The following SLC7A7 variants were observed in gnomAD, a reference collection of about 807,000 sequenced individuals.
The protein encoded by SLC7A7 is solute carrier family 7 member 7, also known as Y+L amino acid transporter 1.
A neutral mutation model predicts 47.9 loss-of-function variants in SLC7A7; 39 were observed. The observed-to-expected ratio is 0.81, with a 90% CI of 0.63 to 1.06. The LOEUF is 1.06. Ranked by LOEUF, SLC7A7 falls within the 50% of genes least tolerant of loss-of-function variation. The pLI is 0.00. For synonymous variants in SLC7A7, 234 were observed against 242.8 expected, an observed-to-expected ratio of 0.96 and a Z score of 0.34; for missense variants, 588 against 632.0, an observed-to-expected ratio of 0.93 and a Z score of 0.75.
At chr14:22,800,757 G>A (rs1192501030) in intron 2 of SLC7A7, among the ~76,000 whole-genome samples, 2 of 152,030 alleles carry the variant, frequency 1.3e-5, no homozygotes, top group African/African-American at 2.4e-5. Context: ...TGGCCAACAC[G>A]GTGAAACCCC....
chr14:22,800,758 G>A (rs930438943), intron 2 of SLC7A7, among the ~76,000 whole-genome samples: 1 of 152,090 alleles, frequency 6.6e-6, no homozygotes, highest in African/African-American at 2.4e-5. Context: ...GGCCAACACG[G>A]TGAAACCCCG....
At chr14:22,804,614 C>G (rs896480778) in intron 2 of SLC7A7, among the ~76,000 whole-genome samples, 1 of 152,132 alleles carries the variant, frequency 6.6e-6, no homozygotes, top group African/African-American at 2.4e-5. Context: ...TGAAAAAAAG[C>G]TCAACAGCAC....
intron 2 of SLC7A7, among the ~76,000 whole-genome samples, chr14:22,787,830 T>C (rs2038845332): frequency 6.6e-6 from 1 of 151,794 alleles, no homozygotes; most frequent in Non-Finnish European, 1.5e-5. Context: ...TCCCAGCACT[T>C]TGGGAGGCCG....
chr14:22,810,352 C>T (rs989101818), intron 2 of SLC7A7, among the ~76,000 whole-genome samples: 12 of 151,026 alleles, frequency 7.9e-5, no homozygotes, highest in African/African-American at 2.4e-4. Flanking sequence ...ATCCCAGCTA[C>T]TCGGGAGGCT....
chr14:22,774,914 G>C (rs564883523), intron 7 of SLC7A7, among the ~76,000 whole-genome samples: 1 of 152,238 alleles, frequency 6.6e-6, no homozygotes, highest in African/African-American at 2.4e-5. Flanking sequence ...CAGATTTTTA[G>C]AGCATTTCAG....
At chr14:22,779,240 T>C (rs1257994470) in intron 3 of SLC7A7, among the ~76,000 whole-genome samples, 1 of 152,116 alleles carries the variant, frequency 6.6e-6, no homozygotes, top group South Asian at 2.1e-4. Context: ...ACAATGCAGT[T>C]CTGTTCTGCT....
Position 22,815,399 on chromosome 14 carries a change from G to A in SLC7A7, c.-122C>T, listed in dbSNP as rs748622136. On this transcript the variant is annotated 5_prime_UTR_variant, in exon 1 of 10. Transcript: ENST00000674313. ...AGAGAAGTGCCTTCCAGGATCTGTG[G>A]TCTGATGCTCCTCCTTCCCAGCCAG... The A allele has an allele frequency of 4.4e-6, 2 of 454,540 alleles. No homozygotes were observed. The highest frequency in any genetic ancestry group is 8.8e-6 in the Non-Finnish European group (2 of 226,804). The allele number at this position is 454,540 out of a possible 1,614,324, so 28.2% of individuals were successfully genotyped here.
chr14:22,777,083 G>A (rs1253171062), intron 4 of SLC7A7, among the ~76,000 whole-genome samples: 2 of 148,052 alleles, frequency 1.4e-5, no homozygotes, highest in Non-Finnish European at 3.0e-5. Context: ...GGTCAAGGCT[G>A]CAGTGAACCA....
chr14:22,792,712 C>A, intron 2 of SLC7A7, among the ~76,000 whole-genome samples: 1 of 151,644 alleles, frequency 6.6e-6, no homozygotes, highest in Non-Finnish European at 1.5e-5. Context: ...CAAAAATTAG[C>A]CAGCCGTGGT....
At chr14:22,806,118 CAAAAAAAA>C (rs753674829) in intron 2 of SLC7A7, among the ~76,000 whole-genome samples, 1 of 66,210 alleles carries the variant, frequency 1.5e-5, no homozygotes, top group Non-Finnish European at 2.5e-5. Flanking sequence ...GACTCTGTCT[CAAAAAAAA>C]AAAAAAAAAA....
intron 4 of SLC7A7, among the ~76,000 whole-genome samples, chr14:22,777,165 AAG>A (rs1437315391): frequency 1.3e-5 from 2 of 149,176 alleles, no homozygotes; most frequent in African/African-American, 5.0e-5. Flanking sequence ...AAAAAAAAAA[AAG>A]CAGGGCGGGG....
At chr14:22,773,905 T>C (rs567827014) in intron 9 of SLC7A7, 28 bp downstream of exon 9, 4 of 1,613,002 alleles carry the variant, frequency 2.5e-6, no homozygotes, top group East Asian at 4.5e-5. Flanking sequence ...CTGCAATAGC[T>C]GAGCGGACTT....
At chr14:22,778,995 A>T in intron 3 of SLC7A7, 58 bp from the exon 4 acceptor site, 1 of 1,606,256 alleles carries the variant, frequency 6.2e-7, no homozygotes, top group African/African-American at 1.3e-5. Flanking sequence ...CCACTTCAAG[A>T]TGGTCAAGTA....
At chr14:22,779,833 A>G in intron 3 of SLC7A7, 93 bp downstream of exon 3, 1 of 1,178,518 alleles carries the variant, frequency 8.5e-7, no homozygotes, top group Non-Finnish European at 1.3e-6. Flanking sequence ...AGGTTATAGT[A>G]AGAAATGAGA....
intron 2 of SLC7A7, 109 bp downstream of exon 2, chr14:22,812,791 A>ATATATATATATATATATATATATATATT: frequency 1.4e-6 from 1 of 738,050 alleles, no homozygotes; most frequent in Non-Finnish European, 2.1e-6. Flanking sequence ...ATATATATAT[A>ATATATATATATATATATATATATATATT]TGTTGTCAGA....
At position 22,813,150 on chromosome 14, in the gene SLC7A7, G is replaced by C; in HGVS notation, c.249C>G (p.Ser83=). The part of the protein sequence containing the change: ...LVIWAVGGLF[S]VFGALCYAEL... ...CCGCATAACAAAGGGCCCCAAAGAC[G>C]GAGAAGAGGCCCCCGACAGCCCAGA... The change falls in exon 2 of 10, where the codon TCC becomes TCG. Residue 83 remains serine, a synonymous_variant. Coordinates refer to ENST00000674313, the MANE Select transcript of SLC7A7 (RefSeq NM_003982.4). The C allele has an allele frequency of 6.2e-7, 1 of 1,614,088 alleles. No homozygotes were observed. Among genetic ancestry groups the C allele is most frequent in the East Asian group, 2.2e-5 (1 of 44,880 alleles).
intron 7 of SLC7A7, among the ~76,000 whole-genome samples, chr14:22,775,171 ATCAC>A (rs1427709576): frequency 6.6e-6 from 1 of 152,132 alleles, no homozygotes; most frequent in Non-Finnish European, 1.5e-5. Flanking sequence ...TAAACACCGT[ATCAC>A]TCACTATCTG....
chr14:22,778,360 CT>C (rs1235963699), intron 4 of SLC7A7, among the ~76,000 whole-genome samples: 1 of 152,236 alleles, frequency 6.6e-6, no homozygotes, highest in East Asian at 1.9e-4. Flanking sequence ...ATGACTGAAA[CT>C]ATACCACAAT....
At chr14:22,817,648 T>C (rs2039425357), upstream of SLC7A7, among the ~76,000 whole-genome samples, 1 of 152,208 alleles carries the variant, frequency 6.6e-6, no homozygotes, top group African/African-American at 2.4e-5. Context: ...GCCTAATTTT[T>C]GTATTTCTAG....
Sources: allele counts gnomAD v4.1 joint callset (sites outside exome capture counted in the v4.1 genomes callset), GRCh38; gene constraint gnomAD v4.1.1; transcripts MANE v1.5; gene names NCBI Gene and HGNC (gene_info 2026-07-23, HGNC 2026-07-21).